Variants in LRRC37B observed in about 807,000 individuals in gnomAD.
LRRC37B encodes the protein leucine-rich repeat-containing protein 37B.
In LRRC37B, 28 loss-of-function variants were observed where a neutral mutation model predicts 98.3. The observed-to-expected ratio is 0.28, with a 90% CI of 0.21 to 0.39. LRRC37B has a LOEUF of 0.39. LRRC37B is among the 10% of genes least tolerant of loss of function. LRRC37B has a pLI of 1.00. For missense variants in LRRC37B, 938 were observed against 1,182.7 expected, an observed-to-expected ratio of 0.79 and a Z score of 3.03; for synonymous variants, 364 against 442.7, an observed-to-expected ratio of 0.82 and a Z score of 2.23.
intron 7 of LRRC37B, among the ~76,000 whole-genome samples, chr17:32,045,257 C>A (rs552349638): frequency 2.0e-5 from 3 of 152,140 alleles, no homozygotes; most frequent in African/African-American, 7.2e-5. Flanking sequence ...ACCCCACAAT[C>A]CAGGTTAAGC....
At chr17:32,039,166 G>T (rs1318960861) in intron 7 of LRRC37B, among the ~76,000 whole-genome samples, 1 of 151,492 alleles carries the variant, frequency 6.6e-6, no homozygotes, top group African/African-American at 2.4e-5. Context: ...TTGGAGAAAT[G>T]AGGTCTCACT....
At chr17:32,043,811 T>C (rs1308432769) in intron 7 of LRRC37B, among the ~76,000 whole-genome samples, 1 of 152,110 alleles carries the variant, frequency 6.6e-6, no homozygotes, top group African/African-American at 2.4e-5. Context: ...CATTGAATAC[T>C]CTTCTGTTTC....
intron 3 of LRRC37B, among the ~76,000 whole-genome samples, chr17:32,029,461 A>G (rs1424489513): frequency 6.6e-6 from 1 of 152,158 alleles, no homozygotes; most frequent in Admixed American, 6.5e-5. Context: ...GAAGAAATGG[A>G]TGTGGGCACT....
exon 10 of LRRC37B, chr17:32,049,265 G>A: frequency 6.2e-7 from 1 of 1,613,492 alleles, no homozygotes; most frequent in Non-Finnish European, 8.5e-7. Flanking sequence ...CAGGCCTCCT[G>A]ATGAAGCTTC....
chr17:32,007,393 CT>C (rs1201087256), upstream of LRRC37B, among the ~76,000 whole-genome samples: 1 of 152,172 alleles, frequency 6.6e-6, no homozygotes, highest in Non-Finnish European at 1.5e-5. The surrounding 1 kb of genome is among the most constrained non-coding windows in gnomAD (Gnocchi z 4.1). Context: ...GACCGCGCTC[CT>C]GTAGAGGGAA....
chr17:32,025,587 T>C (rs1422757724), intron 2 of LRRC37B, among the ~76,000 whole-genome samples: 1 of 152,224 alleles, frequency 6.6e-6, no homozygotes, highest in African/African-American at 2.4e-5. Flanking sequence ...GTATCACTTA[T>C]ATGATATTCT....
chr17:32,020,330 T>C (rs529380786), upstream of LRRC37B, among the ~76,000 whole-genome samples: 93 of 152,320 alleles, frequency 6.1e-4, no homozygotes, highest in African/African-American at 2.2e-3. Context: ...TTTAACATGC[T>C]GACTTTAACA....
Position 32,021,796 on chromosome 17 carries a change from G to A in LRRC37B, c.731G>A (p.Arg244His), listed in dbSNP as rs145638325. Residue 244 changes from arginine (R) to histidine (H), a missense_variant, in exon 1 of 12, where the codon CGT (arginine) becomes CAT (histidine). Around this residue, in one of 2 missense-constraint regions of LRRC37B, gnomAD observed 610 missense variants for 625.6 expected, o/e 0.98. Transcript: ENST00000327564. ...CCACACCAATTATCCAAACCTCAGC[G>A]TCAGAAACAGACTTTGCCAGATGAT... is the stretch of plus-strand genomic sequence containing the variant. The A allele has an allele frequency of 5.3e-5, 86 of 1,614,176 alleles. 1 individual carries two copies. In the Middle Eastern group the frequency reaches 8.2e-4, roughly 15 times the overall value.
chr17:32,016,099 G>A (rs900953316), upstream of LRRC37B, among the ~76,000 whole-genome samples: 7 of 152,170 alleles, frequency 4.6e-5, no homozygotes, highest in African/African-American at 1.4e-4. Flanking sequence ...GATGAGTGCC[G>A]TTGACTAGTT....
intron 7 of LRRC37B, chr17:32,040,326 C>T (rs1598211117): frequency 5.6e-6 from 2 of 357,572 alleles, no homozygotes; most frequent in South Asian, 2.6e-5. Flanking sequence ...CCGGGGCAGG[C>T]GCAGAGCTGG....
Sources: gnomAD v4.1 joint callset for allele counts (sites outside exome capture counted in the v4.1 genomes callset) on GRCh38, gnomAD v4.1.1 for gene constraint, gnomAD v4.1.1 regional missense constraint, Gnocchi (gnomAD v3.1) non-coding constraint, MANE v1.5 for transcripts, NCBI Gene and HGNC (gene_info 2026-07-23, HGNC 2026-07-21) for gene names.